PIK3C2G: variants seen among roughly 807,000 people sequenced by gnomAD.
The protein encoded by PIK3C2G is phosphatidylinositol-4-phosphate 3-kinase catalytic subunit type 2 gamma, also known as phosphatidylinositol 3-kinase C2 domain-containing subunit gamma.
PIK3C2G carries 168 observed loss-of-function variants against 181.1 expected under a neutral mutation model. That is an observed-to-expected ratio of 0.93 (90% CI 0.82 to 1.05). The LOEUF (loss-of-function observed/expected upper bound fraction) is 1.05. Among genes scored for constraint, PIK3C2G ranks in the 50% least tolerant of loss-of-function variants. PIK3C2G has a pLI of 0.00. For missense variants in PIK3C2G, 1,869 were observed against 1,732.8 expected (o/e 1.08, Z -1.40); for synonymous variants, 573 against 592.2 (o/e 0.97, Z 0.47).
chr12:18,364,301 C>T (rs1941481663), intron 12 of PIK3C2G, among the ~76,000 whole-genome samples: 1 of 152,172 alleles, frequency 6.6e-6, no homozygotes, highest in Non-Finnish European at 1.5e-5. Flanking sequence ...CACAGTATTC[C>T]ACTTGCCCAT....
intron 15 of PIK3C2G, among the ~76,000 whole-genome samples, chr12:18,397,168 A>T (rs902251050): frequency 6.6e-6 from 1 of 151,986 alleles, no homozygotes; most frequent in Non-Finnish European, 1.5e-5. Context: ...CCATGCAATA[A>T]ATGAAAAATG....
chr12:18,552,686 T>A (rs1412534466), intron 26 of PIK3C2G, among the ~76,000 whole-genome samples: 1 of 152,146 alleles, frequency 6.6e-6, no homozygotes, highest in Non-Finnish European at 1.5e-5. Flanking sequence ...CTAAATTAGC[T>A]TTATAAACTA....
chr12:18,638,274 C>T (rs540645186), intron 31 of PIK3C2G, among the ~76,000 whole-genome samples: 1 of 152,262 alleles, frequency 6.6e-6, no homozygotes, highest in South Asian at 2.1e-4. Context: ...TCAGAGGAGG[C>T]TATCACTATT....
chr12:18,436,278 AC>A (rs1418302062), intron 18 of PIK3C2G, among the ~76,000 whole-genome samples: 7 of 151,946 alleles, frequency 4.6e-5, no homozygotes, highest in Non-Finnish European at 8.8e-5. Context: ...TTTTCCATAA[AC>A]CCCAAAGCTG....
At chr12:18,275,359 T>C (rs1948938662) in intron 1 of PIK3C2G, among the ~76,000 whole-genome samples, 1 of 152,048 alleles carries the variant, frequency 6.6e-6, no homozygotes, top group Admixed American at 6.6e-5. Context: ...CCTTTTATAT[T>C]CCACATCTTT....
the PIK3C2G span, among the ~76,000 whole-genome samples, chr12:18,697,142 C>A: frequency 6.6e-6 from 1 of 152,078 alleles, no homozygotes; most frequent in Non-Finnish European, 1.5e-5. Context: ...TTTCTGCAAC[C>A]ATTCCTGCTG....
intron 29 of PIK3C2G, among the ~76,000 whole-genome samples, chr12:18,570,993 A>G (rs901072848): frequency 6.6e-6 from 1 of 150,852 alleles, no homozygotes; most frequent in African/African-American, 2.5e-5. Flanking sequence ...CTTTACTTTC[A>G]ACCTATCTAA....
intron 13 of PIK3C2G, among the ~76,000 whole-genome samples, chr12:18,378,746 A>G (rs1440963281): frequency 6.6e-6 from 1 of 152,268 alleles, no homozygotes. Flanking sequence ...TTATGCAGCC[A>G]AAACACACAT....
intron 18 of PIK3C2G, among the ~76,000 whole-genome samples, chr12:18,466,614 T>C (rs1403689876): frequency 6.6e-6 from 1 of 151,986 alleles, no homozygotes; most frequent in Non-Finnish European, 1.5e-5. Context: ...TTCTAAGGAA[T>C]ATTTTTAGTG....
intron 6 of PIK3C2G, among the ~76,000 whole-genome samples, chr12:18,316,655 G>A (rs1471370530): frequency 6.6e-6 from 1 of 151,958 alleles, no homozygotes; most frequent in African/African-American, 2.4e-5. Flanking sequence ...ACTTGAACCC[G>A]AGAGGCAGCG....
the PIK3C2G span, chr12:18,723,209 AACC>A: frequency 2.9e-6 from 3 of 1,036,912 alleles, no homozygotes; most frequent in Non-Finnish European, 4.2e-6. Flanking sequence ...GTAATTTGAT[AACC>A]ACAATTCATA....
chr12:18,291,714 G>T (rs1277549707), intron 4 of PIK3C2G, among the ~76,000 whole-genome samples: 1 of 151,858 alleles, frequency 6.6e-6, no homozygotes, highest in Non-Finnish European at 1.5e-5. Flanking sequence ...GGCACATAAT[G>T]ATCCATTAAA....
chr12:18,680,329 G>A, the PIK3C2G span, among the ~76,000 whole-genome samples: 2 of 151,968 alleles, frequency 1.3e-5, no homozygotes, highest in Non-Finnish European at 2.9e-5. Flanking sequence ...AACTCCTAGA[G>A]GCTCTGTATA....
intron 16 of PIK3C2G, among the ~76,000 whole-genome samples, chr12:18,419,668 A>G (rs10770359): frequency 0.17 from 26,405 of 152,230 alleles, 2,539 homozygotes; most frequent in East Asian, 0.39. Flanking sequence ...AGAATGTTCA[A>G]CAGGAGAAAA....
intron 31 of PIK3C2G, among the ~76,000 whole-genome samples, chr12:18,626,436 T>C (rs896119121): frequency 2.0e-5 from 3 of 152,034 alleles, no homozygotes; most frequent in South Asian, 2.1e-4. Flanking sequence ...GGGATAATAT[T>C]ACTTTACACA....
chr12:18,316,420 T>C (rs563963090), intron 6 of PIK3C2G, among the ~76,000 whole-genome samples: 3 of 152,094 alleles, frequency 2.0e-5, no homozygotes, highest in African/African-American at 7.2e-5. Context: ...TAATGTGTAG[T>C]TCTCATCAGA....
chr12:18,547,669 A>AAAACAAAACAAAAC (rs1565495961), intron 26 of PIK3C2G, among the ~76,000 whole-genome samples: 3 of 112,140 alleles, frequency 2.7e-5, no homozygotes, highest in Non-Finnish European at 4.0e-5. Context: ...CAAAACAAAA[A>AAAACAAAACAAAAC]AAACCCTGCC....
chr12:18,702,489 A>G, the PIK3C2G span, among the ~76,000 whole-genome samples: 1 of 152,140 alleles, frequency 6.6e-6, no homozygotes, highest in East Asian at 1.9e-4. Flanking sequence ...TGGGTTATAA[A>G]GTAAAGTTCT....
chr12:18,724,198 G>C, the PIK3C2G span, among the ~76,000 whole-genome samples: 34 of 152,214 alleles, frequency 2.2e-4, no homozygotes, highest in South Asian at 7.0e-3. Flanking sequence ...GGAAGAGTTA[G>C]AGAACTGCAG....
Sources: allele counts gnomAD v4.1 joint callset (sites outside exome capture counted in the v4.1 genomes callset), GRCh38; gene constraint gnomAD v4.1.1; transcripts MANE v1.5; gene names NCBI Gene and HGNC (gene_info 2026-07-23, HGNC 2026-07-21).